CAMSAP3: variants seen among roughly 807,000 people sequenced by gnomAD.
CAMSAP3 encodes calmodulin-regulated spectrin-associated protein 3.
Under a neutral mutation model 112.5 loss-of-function variants are expected in CAMSAP3, and 34 were observed. The observed-to-expected ratio is 0.30, with a 90% CI of 0.23 to 0.40. The LOEUF (loss-of-function observed/expected upper bound fraction) is 0.40, where lower values mean the gene tolerates loss of function less well. Ranked by LOEUF, CAMSAP3 falls within the 10% of genes least tolerant of loss-of-function variation. The pLI, the probability that CAMSAP3 is intolerant of heterozygous loss-of-function variation, is 1.00. For missense variants in CAMSAP3, 1,602 were observed against 1,770.3 expected, an observed-to-expected ratio of 0.90 and a Z score of 1.71; for synonymous variants, 868 against 799.8, an observed-to-expected ratio of 1.09 and a Z score of -1.44.
In CAMSAP3 at chr19:7,612,268, C is replaced by A; in HGVS notation, c.1775C>A (p.Pro592Gln). ...GGGTCCCCCACGTCCACTCCGGCCCCGCCGGAGGCCCTGAGCTCGGAGATG... is the reference window on the plus strand; with the variant it reads ...GGGTCCCCCACGTCCACTCCGGCCCAGCCGGAGGCCCTGAGCTCGGAGATG... ...GAGSPTSTPA[P>Q]PEALSSEMSE... is the part of the protein sequence containing the mutation. Residue 592 changes from proline (P) to glutamine (Q), a missense_variant, in exon 11 of 17, where the codon CCG (proline) becomes CAG (glutamine). Pro to Gln is a moderately conservative substitution (Grantham distance 76, BLOSUM62 -1). Around this residue, in one of 6 missense-constraint regions of CAMSAP3, gnomAD observed 1,100 missense variants for 1,135.7 expected, o/e 0.97. Transcript: ENST00000160298. 1 of 1,594,894 alleles carries A rather than the reference C, an allele frequency of 6.3e-7. No individual in the cohort carries two copies. The highest frequency in any genetic ancestry group is 2.3e-5 in the East Asian group (1 of 43,810).
Position 7,610,882 on chromosome 19 carries a change from T to C in CAMSAP3, c.1000T>C (p.Ser334Pro), listed in dbSNP as rs1224653734. The C allele has an allele frequency of 6.3e-7, 1 of 1,595,740 alleles. No homozygotes were observed. The highest frequency in any genetic ancestry group is 8.5e-7 in the Non-Finnish European group (1 of 1,171,476). Residue 334 changes from serine (S) to proline (P), a missense_variant, in exon 8 of 17, where the codon TCC becomes CCC. Coordinates refer to ENST00000160298, the MANE Select transcript of CAMSAP3 (RefSeq NM_020902.2). This position sits in a 1 kb window ranked among gnomAD's most constrained non-coding sequence, Gnocchi z 4.9. The stretch of plus-strand genomic sequence containing the variant: ...CCCTCTTCTCTGTACTGCAGCTGCC[T>C]CCCCCCGGGGCACTGAGGCCTCCCC... ...VKDLPDGHAA[S>P]PRGTEASPPQ...
At position 7,612,212 on chromosome 19, in the gene CAMSAP3, G is replaced by A. The variant is rs769340686; in HGVS notation, c.1719G>A (p.Gln573=). 4.4e-6 allele frequency: 7 copies of A among 1,600,336 alleles called. No homozygotes were observed. In the South Asian group the frequency reaches 7.8e-5, roughly 18 times the overall value. ...CCAGCTTTGCAGAACGCAAGAAACAGCTGGTGAAGGCAGAGGCTGAGGCCG... is the reference window on the plus strand; with the variant it reads ...CCAGCTTTGCAGAACGCAAGAAACAACTGGTGAAGGCAGAGGCTGAGGCCG... ...KMTSFAERKK[Q]LVKAEAEAGA... Residue 573 remains glutamine, a synonymous_variant, in exon 11 of 17, where the codon CAG becomes CAA. Coordinates refer to ENST00000160298, the MANE Select transcript of CAMSAP3 (RefSeq NM_020902.2).
In CAMSAP3 at chr19:7,605,279, G is replaced by C. The variant is rs1486879038; in HGVS notation, c.202G>C (p.Glu68Gln). The change falls in exon 2 of 17, where the codon GAG becomes CAG. Residue 68 changes from glutamate (E) to glutamine (Q), a missense_variant. By Grantham distance (29) the Glu-to-Gln change is conservative. Around this residue, in one of 6 missense-constraint regions of CAMSAP3, gnomAD observed 147 missense variants for 144.6 expected, o/e 1.02. Coordinates refer to ENST00000160298, the MANE Select transcript of CAMSAP3 (RefSeq NM_020902.2). Reference sequence around the variant, plus strand: ...CTTCTATACCGACCAGTACGCGCAGGAGCATGTGAAGCCCCCGGTGACACG... The same window carrying C: ...CTTCTATACCGACCAGTACGCGCAGCAGCATGTGAAGCCCCCGGTGACACG... Reference protein sequence around the residue: ...EPFYTDQYAQEHVKPPVTRLL... With the variant: ...EPFYTDQYAQQHVKPPVTRLL... 1.9e-6 allele frequency: 3 copies of C among 1,611,056 alleles called. No individual in the cohort carries two copies. Among genetic ancestry groups the C allele is most frequent in the Non-Finnish European group, 2.5e-6 (3 of 1,178,812 alleles).
At position 7,607,032 on chromosome 19, in the gene CAMSAP3, C is replaced by A. The variant is rs1391203685; in HGVS notation, c.621+461C>A. On this transcript the variant is annotated intron_variant, in intron 4 of 16. Transcript: ENST00000160298. This position sits in a 1 kb window ranked among gnomAD's most constrained non-coding sequence, Gnocchi z 4.9. ...CTGAGAGGGCAGACCCCTCCCCCAG[C>A]GAACTGATGGGTGGGGACGAACTTC... 6.6e-6 allele frequency among the ~76,000 whole-genome samples: 1 copy of A among 152,042 alleles called. No homozygotes were observed. The highest frequency in any genetic ancestry group is 1.9e-4 in the East Asian group (1 of 5,160).
chr19:7,611,100 C>T lies in CAMSAP3; in HGVS notation c.1055C>T (p.Pro352Leu). The T allele has an allele frequency of 1.9e-6, 3 of 1,613,794 alleles. No homozygotes were observed. The South Asian group carries it at 3.3e-5, about 18-fold the overall frequency. Reference protein sequence around the residue: ...PPQNNSGSSSPVFTFRHPLLS... With the variant: ...PPQNNSGSSSLVFTFRHPLLS... Reference sequence around the variant, plus strand: ...AAGTACGTCTCTCCGTACAGTTCTCCTGTCTTCACCTTCCGCCACCCGCTT... The same window carrying T: ...AAGTACGTCTCTCCGTACAGTTCTCTTGTCTTCACCTTCCGCCACCCGCTT... The change falls in exon 9 of 17, where the codon CCT becomes CTT. Residue 352 changes from proline (P) to leucine (L), a missense_variant. Around this residue, in one of 6 missense-constraint regions of CAMSAP3, gnomAD observed 1,100 missense variants for 1,135.7 expected, o/e 0.97. Transcript: ENST00000160298. The surrounding 1 kb of genome is among the most constrained non-coding windows in gnomAD (Gnocchi z 6.9).
intron 5 of CAMSAP3, 100 bp downstream of exon 5, chr19:7,608,364 GA>G: frequency 7.0e-7 from 1 of 1,420,064 alleles, no homozygotes; most frequent in South Asian, 1.3e-5. Context: ...GACCAGCAAC[GA>G]TGCAGTGGTC....
chr19:7,600,846 T>TCATC (rs1306049729), intron 1 of CAMSAP3, among the ~76,000 whole-genome samples: 2 of 71,288 alleles, frequency 2.8e-5, no homozygotes, highest in African/African-American at 1.1e-4. Context: ...ACCTACCCAT[T>TCATC]CATCCATCCA....
chr19:7,610,886 C>G lies in CAMSAP3; in HGVS notation c.1004C>G (p.Pro335Arg). ...KDLPDGHAAS[P>R]RGTEASPPQN... ...CTTCTCTGTACTGCAGCTGCCTCCC[C>G]CCGGGGCACTGAGGCCTCCCCACCT... is the stretch of plus-strand genomic sequence containing the variant. Residue 335 changes from proline to arginine, a missense_variant, in exon 8 of 17, where the codon CCC becomes CGC. This residue lies in a region of CAMSAP3 where 1,100 missense variants were observed against 1,135.7 expected (regional missense o/e 0.97). Coordinates refer to ENST00000160298, the MANE Select transcript of CAMSAP3 (RefSeq NM_020902.2). This position sits in a 1 kb window ranked among gnomAD's most constrained non-coding sequence, Gnocchi z 4.9. The G allele has an allele frequency of 1.3e-6, 2 of 1,596,666 alleles. No individual in the cohort carries two copies. Among genetic ancestry groups the G allele is most frequent in the South Asian group, 2.3e-5 (2 of 88,728 alleles).
Position 7,615,142 on chromosome 19 carries a change from G to T in CAMSAP3, c.2671-41G>T. 1 of 1,551,672 alleles carries T rather than the reference G, an allele frequency of 6.4e-7. No homozygotes were observed. The highest frequency in any genetic ancestry group is 8.7e-7 in the Non-Finnish European group (1 of 1,147,556). On this transcript the variant is annotated intron_variant, in intron 11 of 16. Transcript: ENST00000160298. This position sits in a 1 kb window ranked among gnomAD's most constrained non-coding sequence, Gnocchi z 6.5. ...GGGAAGATGGGCCTCCAGCCATGTT[G>T]GGGGAGGGGGTGGCTGGCTGGACTC...
At position 7,615,789 on chromosome 19, in the gene CAMSAP3, G is replaced by C. The variant is rs1599363946; in HGVS notation, c.3112+70G>C. ...GGCTCACTGGGTGAGGCCCCCATGG[G>C]TAAGGGGGGAGGGGGAGGGAGATGT... On this transcript the variant is annotated intron_variant, in intron 13 of 16. Transcript: ENST00000160298. This position sits in a 1 kb window ranked among gnomAD's most constrained non-coding sequence, Gnocchi z 6.5. 20 of 550,614 alleles carry C rather than the reference G, an allele frequency of 3.6e-5. No individual in the cohort carries two copies. The East Asian group carries it at 2.3e-3, about 64-fold the overall frequency. The allele number at this position is 550,614 out of a possible 1,614,324, so 34.1% of individuals were successfully genotyped here.
chr19:7,614,128 C>T (rs1008887803), intron 11 of CAMSAP3, among the ~76,000 whole-genome samples: 16 of 151,220 alleles, frequency 1.1e-4, no homozygotes, highest in African/African-American at 2.7e-4. Context: ...GGCGTGGTGG[C>T]GGGCGCATGT....
chr19:7,596,190 CGG>C, intron 1 of CAMSAP3, 40 bp downstream of exon 1: 1 of 96,348 alleles, frequency 1.0e-5, no homozygotes, highest in Non-Finnish European at 2.2e-5. Context: ...GGCGGCGGGC[CGG>C]GCGCGGCAGG....
In CAMSAP3 at chr19:7,608,109, C is replaced by G. The variant is rs911841695; in HGVS notation, c.622-17C>G. On this transcript the variant is annotated splice_polypyrimidine_tract_variant and intron_variant, in intron 4 of 16. Coordinates refer to ENST00000160298, the MANE Select transcript of CAMSAP3 (RefSeq NM_020902.2). ...GGGCCAGCCTGGCCACTCACCTGAC[C>G]TGGCTCCCATCTGCAGATCCGATAC... The G allele has an allele frequency of 6.2e-6, 10 of 1,607,974 alleles. No individual in the cohort carries two copies. Among genetic ancestry groups the G allele is most frequent in the Middle Eastern group, 1.7e-4 (1 of 6,042 alleles).
In CAMSAP3 at chr19:7,608,130, G is replaced by A. The variant is rs1381058840; in HGVS notation, c.626G>A (p.Arg209Gln). ...TGACCTGGCTCCCATCTGCAGATCCGATACCGCAAGGACCGTGTGGTGGCG... is the reference window on the plus strand; with the variant it reads ...TGACCTGGCTCCCATCTGCAGATCCAATACCGCAAGGACCGTGTGGTGGCG... ...DGAAPAQPSI[R>Q]YRKDRVVARR... The change falls in exon 5 of 17, where the codon CGA becomes CAA. Residue 209 changes from arginine to glutamine, a missense_variant. Arg to Gln is a conservative substitution (Grantham distance 43). Transcript: ENST00000160298. 2 of 1,610,638 alleles carry A rather than the reference G, an allele frequency of 1.2e-6. No individual in the cohort carries two copies. Among genetic ancestry groups the A allele is most frequent in the South Asian group, 1.1e-5 (1 of 90,968 alleles).
chr19:7,604,472 A>C (rs1268679941), intron 1 of CAMSAP3, among the ~76,000 whole-genome samples: 1 of 152,032 alleles, frequency 6.6e-6, no homozygotes, highest in Non-Finnish European at 1.5e-5. Context: ...ACCCAAGCTC[A>C]GTCATTACCC....
chr19:7,610,891 G>A lies in CAMSAP3; in HGVS notation c.1009G>A (p.Gly337Ser). Residue 337 changes from glycine (G) to serine (S), a missense_variant, in exon 8 of 17, where the codon GGC (glycine) becomes AGC (serine). Physicochemically the swap from Gly to Ser is moderately conservative, Grantham distance 56. Coordinates refer to ENST00000160298, the MANE Select transcript of CAMSAP3 (RefSeq NM_020902.2). The surrounding 1 kb of genome is among the most constrained non-coding windows in gnomAD (Gnocchi z 4.9). ...CTGTACTGCAGCTGCCTCCCCCCGG[G>A]GCACTGAGGCCTCCCCACCTCAGAA... ...LPDGHAASPR[G>S]TEASPPQNNS... 1 of 1,594,224 alleles carries A rather than the reference G, an allele frequency of 6.3e-7. No individual in the cohort carries two copies. The highest frequency in any genetic ancestry group is 8.5e-7 in the Non-Finnish European group (1 of 1,170,420).
In CAMSAP3 at chr19:7,615,268, G is replaced by C. The variant is rs1278409522; in HGVS notation, c.2756G>C (p.Arg919Pro). ...CAGCGGCGAGCAGAGGAGGCGCGGC[G>C]GCGCAAGCAGTGGCAGGAGGTGGAG... ...RQQRRAEEAR[R>P]RKQWQEVEKE... Residue 919 changes from arginine to proline, a missense_variant, in exon 12 of 17, where the codon CGG becomes CCG. Arg to Pro is a moderately radical substitution (Grantham distance 103, BLOSUM62 -2). Coordinates refer to ENST00000160298, the MANE Select transcript of CAMSAP3 (RefSeq NM_020902.2). This position sits in a 1 kb window ranked among gnomAD's most constrained non-coding sequence, Gnocchi z 6.5. The C allele has an allele frequency of 1.9e-6, 3 of 1,549,774 alleles. No individual in the cohort carries two copies. In the Admixed American group the frequency reaches 5.9e-5, roughly 30 times the overall value.
chr19:7,595,966 C>G lies in CAMSAP3; in HGVS notation c.-37C>G. 1 of 1,023,570 alleles carries G rather than the reference C, an allele frequency of 9.8e-7. No homozygotes were observed. The highest frequency in any genetic ancestry group is 1.2e-6 in the Non-Finnish European group (1 of 847,366). The allele number at this position is 1,023,570 out of a possible 1,614,324, so 63.4% of individuals were successfully genotyped here. A position where few individuals can be genotyped will look rare whatever the true frequency, so the allele number is the denominator to read the frequency against. ...CGGCGCAGCCCAGCCCAGCCCAGTC[C>G]GAGCGCGGACCCGGCGCCCGCAGCC... On this transcript the variant is annotated 5_prime_UTR_variant, in exon 1 of 17. Transcript: ENST00000160298.
At chr19:7,614,940 G>A (rs1274407302) in intron 11 of CAMSAP3, 2 of 588,956 alleles carry the variant, frequency 3.4e-6, no homozygotes, top group Non-Finnish European at 6.1e-6. Flanking sequence ...GCTGTCTGCT[G>A]CTTTTGTCTT....
Sources: allele counts gnomAD v4.1 joint callset (sites outside exome capture counted in the v4.1 genomes callset), GRCh38; gene constraint gnomAD v4.1.1; regional missense constraint gnomAD v4.1.1; non-coding constraint Gnocchi (gnomAD v3.1); transcripts MANE v1.5; gene names NCBI Gene and HGNC (gene_info 2026-07-23, HGNC 2026-07-21).